The following ALG12 variants were observed in gnomAD, a reference collection of about 807,000 sequenced individuals.
The protein encoded by ALG12 is ALG12 alpha-1,6-mannosyltransferase, also known as dol-P-Man:Man(7)GlcNAc(2)-PP-Dol alpha-1,6-mannosyltransferase.
Under a neutral mutation model 46.0 loss-of-function variants are expected in ALG12, and 36 were observed. The observed-to-expected ratio is 0.78, with a 90% CI of 0.60 to 1.03. The LOEUF (loss-of-function observed/expected upper bound fraction) is 1.03. ALG12 is among the 50% of genes least tolerant of loss of function. The pLI is 0.00. For missense variants in ALG12, 599 were observed against 633.5 expected, an observed-to-expected ratio of 0.95 and a Z score of 0.58; for synonymous variants, 326 against 291.6, an observed-to-expected ratio of 1.12 and a Z score of -1.20.
rs1464953600 is a variant in ALG12 at position 49,906,717 on chromosome 22, G to A, written c.992+1004C>T. Among the ~76,000 whole-genome samples the A allele has an allele frequency of 6.6e-6, 1 of 152,162 alleles. No homozygotes were observed. The highest frequency in any genetic ancestry group is 2.4e-5 in the African/African-American group (1 of 41,448). On this transcript the variant is annotated intron_variant, in intron 7 of 9. Coordinates refer to ENST00000330817, the MANE Select transcript of ALG12 (RefSeq NM_024105.4). This position sits in a 1 kb window ranked among gnomAD's most constrained non-coding sequence, Gnocchi z 4.4. ...CCTGCCGCCCCTCAATGCCCAGCGT[G>A]GCCTGAGTTGGCCTCCTGTTCCCAT...
chr22:49,906,592 T>C lies in ALG12; in HGVS notation c.992+1129A>G, dbSNP rs1209110103. ...GTAACAAGTGGCACCGGAAAGCACCTGACCGCTGCCTGAGATCAGGGACCG... is the reference window on the plus strand; with the variant it reads ...GTAACAAGTGGCACCGGAAAGCACCCGACCGCTGCCTGAGATCAGGGACCG... On this transcript the variant is annotated intron_variant, in intron 7 of 9. Transcript: ENST00000330817. The surrounding 1 kb of genome is among the most constrained non-coding windows in gnomAD (Gnocchi z 4.4). 2.6e-5 allele frequency among the ~76,000 whole-genome samples: 4 copies of C among 152,162 alleles called. No homozygotes were observed. Among genetic ancestry groups the C allele is most frequent in the Admixed American group, 6.5e-5 (1 of 15,284 alleles).
At chr22:49,893,323 A>G in the ALG12 span, among the ~76,000 whole-genome samples, 1 of 152,184 alleles carries the variant, frequency 6.6e-6, no homozygotes, top group African/African-American at 2.4e-5. Context: ...TTTGAACCCC[A>G]ATGAGGATAA....
Position 49,909,952 on chromosome 22 carries a change from T to C in ALG12, c.606A>G (p.Arg202=), listed in dbSNP as rs1341876181. 6.2e-7 allele frequency: 1 copy of C among 1,613,962 alleles called. No individual in the cohort carries two copies. Among genetic ancestry groups the C allele is most frequent in the Non-Finnish European group, 8.5e-7 (1 of 1,179,994 alleles). The stretch of plus-strand genomic sequence containing the variant: ...GAAGGGCTCTGACTACAGAAACCTT[T>C]CGGTTGCCCAAGGCCAGCAGCAGCA... The part of the protein sequence containing the change: ...GLLLLLALGN[R]KVSVVRALRH... Residue 202 remains arginine (R), a synonymous_variant, in exon 5 of 10, where the codon CGA becomes CGG. Transcript: ENST00000330817.
At chr22:49,894,078 T>C in the ALG12 span, among the ~76,000 whole-genome samples, 1 of 152,162 alleles carries the variant, frequency 6.6e-6, no homozygotes. Flanking sequence ...GGCACGAGAA[T>C]TGCTTGAACC....
chr22:49,882,142 G>C, the ALG12 span, among the ~76,000 whole-genome samples: 56 of 152,192 alleles, frequency 3.7e-4, no homozygotes, highest in Non-Finnish European at 7.5e-4. Context: ...GCTCCTCCCT[G>C]TGGGGGTGAC....
the ALG12 span, chr22:49,884,086 G>A: frequency 1.2e-6 from 2 of 1,612,258 alleles, no homozygotes; most frequent in Non-Finnish European, 1.7e-6. Context: ...CTGTGTGAAG[G>A]AGTTCAGCAG....
In ALG12 at chr22:49,911,679, C is replaced by A. The variant is rs1050699409; in HGVS notation, c.296-1072G>T. 6.6e-5 allele frequency among the ~76,000 whole-genome samples: 10 copies of A among 152,182 alleles called. No individual in the cohort carries two copies. In the South Asian group the frequency reaches 1.9e-3, roughly 28 times the overall value. On this transcript the variant is annotated intron_variant, in intron 3 of 9. Coordinates refer to ENST00000330817, the MANE Select transcript of ALG12 (RefSeq NM_024105.4). ...AAACTCCTGACCTCAGGTGATCCCC[C>A]CGCCTCGGCCTCCCAAAGTGCTGGG...
At chr22:49,904,650 G>T in intron 7 of ALG12, 144 bp from the exon 8 acceptor site, 1 of 941,494 alleles carries the variant, frequency 1.1e-6, no homozygotes. Context: ...AACAGAGTCA[G>T]TAACCCGTAA....
chr22:49,864,914 A>G, the ALG12 span, among the ~76,000 whole-genome samples: 2 of 128,196 alleles, frequency 1.6e-5, no homozygotes, highest in African/African-American at 3.5e-5. Flanking sequence ...TCCTTGATTG[A>G]CCATGGGGTT....
At chr22:49,881,981 G>C in the ALG12 span, among the ~76,000 whole-genome samples, 1 of 152,172 alleles carries the variant, frequency 6.6e-6, no homozygotes, top group Non-Finnish European at 1.5e-5. Context: ...CATACATCTT[G>C]CTTTGCTACA....
the ALG12 span, among the ~76,000 whole-genome samples, chr22:49,878,031 G>T: frequency 6.6e-6 from 1 of 152,088 alleles, no homozygotes; most frequent in African/African-American, 2.4e-5. Context: ...GAGGCCAGGC[G>T]TGGTGGCTCA....
At chr22:49,886,404 C>T in the ALG12 span, 22 of 1,605,390 alleles carry the variant, frequency 1.4e-5, no homozygotes, top group East Asian at 8.9e-5. The surrounding 1 kb of genome is among the most constrained non-coding windows in gnomAD (Gnocchi z 7.7). Flanking sequence ...AGATGTCCGT[C>T]GAGTGTAACT....
the ALG12 span, among the ~76,000 whole-genome samples, chr22:49,862,323 G>A: frequency 6.6e-6 from 1 of 152,184 alleles, no homozygotes; most frequent in African/African-American, 2.4e-5. Flanking sequence ...TGCTGAGACT[G>A]GAATTGATCT....
At chr22:49,893,319 C>T in the ALG12 span, among the ~76,000 whole-genome samples, 1 of 152,130 alleles carries the variant, frequency 6.6e-6, no homozygotes, top group African/African-American at 2.4e-5. Context: ...TATCTTTGAA[C>T]CCCAATGAGG....
chr22:49,869,244 A>G, the ALG12 span, among the ~76,000 whole-genome samples: 2 of 152,116 alleles, frequency 1.3e-5, no homozygotes, highest in Non-Finnish European at 1.5e-5. Flanking sequence ...ACGTACACAC[A>G]TGCATGTTGG....
chr22:49,890,610 A>G, the ALG12 span, among the ~76,000 whole-genome samples: 4 of 152,328 alleles, frequency 2.6e-5, no homozygotes, highest in East Asian at 7.7e-4. Context: ...CCCTTATTTG[A>G]TGAGAAGAAT....
the ALG12 span, among the ~76,000 whole-genome samples, chr22:49,864,900 A>G: frequency 1.5e-5 from 2 of 135,220 alleles, no homozygotes; most frequent in African/African-American, 3.1e-5. Context: ...TGAAGTTCAG[A>G]TGCTCCTTGA....
chr22:49,861,518 C>G, the ALG12 span, among the ~76,000 whole-genome samples: 4 of 151,758 alleles, frequency 2.6e-5, no homozygotes, highest in Non-Finnish European at 1.5e-5. Flanking sequence ...ACCGCAGCCT[C>G]GACCTCACGG....
the ALG12 span, among the ~76,000 whole-genome samples, chr22:49,891,557 T>C: frequency 6.6e-6 from 1 of 152,214 alleles, no homozygotes; most frequent in Non-Finnish European, 1.5e-5. Context: ...TACTGCTGAC[T>C]TCTTTAGGGC....
Sources: gnomAD v4.1 joint callset for allele counts (sites outside exome capture counted in the v4.1 genomes callset) on GRCh38, gnomAD v4.1.1 for gene constraint, Gnocchi (gnomAD v3.1) non-coding constraint, MANE v1.5 for transcripts, NCBI Gene and HGNC (gene_info 2026-07-23, HGNC 2026-07-21) for gene names.